SEC24B: variants seen among roughly 807,000 people sequenced by gnomAD.
SEC24B encodes the protein protein transport protein Sec24B.
A neutral mutation model predicts 142.8 loss-of-function variants in SEC24B; 45 were observed. The observed-to-expected ratio is 0.32, with a 90% CI of 0.25 to 0.40. The LOEUF (loss-of-function observed/expected upper bound fraction) is 0.40, where lower values mean the gene tolerates loss of function less well. Ranked by LOEUF, SEC24B falls within the 10% of genes least tolerant of loss-of-function variation. The pLI is 1.00. For synonymous variants in SEC24B, 574 were observed against 568.2 expected, an observed-to-expected ratio of 1.01 and a Z score of -0.15; for missense variants, 1,409 against 1,526.8, an observed-to-expected ratio of 0.92 and a Z score of 1.29.
At chr4:109,449,414 TAGA>T in intron 1 of SEC24B, 1 of 359,792 alleles carries the variant, frequency 2.8e-6, no homozygotes, top group Non-Finnish European at 5.5e-6. Context: ...TTTTTTTTTG[TAGA>T]GACGGGATTT....
chr4:109,486,876 A>G (rs1325042116), intron 4 of SEC24B, among the ~76,000 whole-genome samples: 1 of 152,174 alleles, frequency 6.6e-6, no homozygotes, highest in Non-Finnish European at 1.5e-5. Flanking sequence ...TACAACTTGA[A>G]AAGTGTAAGC....
chr4:109,489,292 C>G (rs1734730805), intron 4 of SEC24B, among the ~76,000 whole-genome samples: 2 of 150,958 alleles, frequency 1.3e-5, no homozygotes, highest in South Asian at 4.2e-4. Flanking sequence ...CAGCTTTGTT[C>G]TTCTGCGTGT....
intron 7 of SEC24B, among the ~76,000 whole-genome samples, chr4:109,509,409 C>T (rs756455907): frequency 1.2e-4 from 18 of 152,158 alleles, no homozygotes; most frequent in Non-Finnish European, 2.6e-4. Context: ...CACAGTGGCT[C>T]ACGCCTGTAA....
chr4:109,502,635 A>G (rs1561143895), intron 6 of SEC24B, among the ~76,000 whole-genome samples: 1 of 152,202 alleles, frequency 6.6e-6, no homozygotes, highest in African/African-American at 2.4e-5. Flanking sequence ...TTACTAAGAT[A>G]ATGAAGACAA....
chr4:109,437,177 A>AG (rs1192948821), intron 1 of SEC24B, among the ~76,000 whole-genome samples: 1 of 152,182 alleles, frequency 6.6e-6, no homozygotes, highest in Non-Finnish European at 1.5e-5. Flanking sequence ...ATTGAGTTGG[A>AG]GGACCCCCAG....
chr4:109,507,441 T>G (rs1736815602), intron 7 of SEC24B, among the ~76,000 whole-genome samples: 1 of 151,078 alleles, frequency 6.6e-6, no homozygotes, highest in African/African-American at 2.4e-5. Flanking sequence ...GCGTGTCTAA[T>G]TTTTGTATTT....
At chr4:109,518,075 C>A (rs1561167583) in intron 11 of SEC24B, among the ~76,000 whole-genome samples, 1 of 152,106 alleles carries the variant, frequency 6.6e-6, no homozygotes, top group Non-Finnish European at 1.5e-5. Context: ...TCAAGCAATT[C>A]TCTTGCCTCA....
intron 23 of SEC24B, among the ~76,000 whole-genome samples, chr4:109,538,841 G>T (rs1725849317): frequency 6.6e-6 from 1 of 152,006 alleles, no homozygotes; most frequent in Non-Finnish European, 1.5e-5. Context: ...CAGTGCAGGG[G>T]TGCTGCTATC....
intron 6 of SEC24B, among the ~76,000 whole-genome samples, chr4:109,500,736 C>T (rs909203118): frequency 2.6e-5 from 4 of 152,066 alleles, no homozygotes; most frequent in African/African-American, 7.2e-5. Context: ...TCACTGCAAC[C>T]TCCACCTCCC....
intron 6 of SEC24B, among the ~76,000 whole-genome samples, chr4:109,501,513 C>T (rs1578913634): frequency 6.6e-6 from 1 of 152,312 alleles, no homozygotes; most frequent in Non-Finnish European, 1.5e-5. Flanking sequence ...CTCTGTGTCC[C>T]AAGCTGGAAT....
rs1561046994 is a variant in SEC24B, at chr4:109,433,884, C to T, written c.15C>T (p.Ala5=). 4 of 1,342,764 alleles carry T rather than the reference C, an allele frequency of 3.0e-6. No individual in the cohort carries two copies. The highest frequency in any genetic ancestry group is 3.8e-6 in the Non-Finnish European group (4 of 1,043,136). 83.2% of individuals were successfully genotyped at this position (1,342,764 alleles called of 1,614,324 possible). ...CCAGCGCCGTCATGTCGGCCCCCGC[C>T]GGGTCCTCTCACCCGGCCGCCAGCG... MSAP[A]GSSHPAASAR... is the part of the protein sequence containing the mutation. Residue 5 remains alanine, a synonymous_variant, in exon 1 of 24, where the codon GCC becomes GCT. Coordinates refer to ENST00000265175, the MANE Select transcript of SEC24B (RefSeq NM_006323.5).
At chr4:109,455,270 A>G (rs1381699608) in intron 1 of SEC24B, among the ~76,000 whole-genome samples, 1 of 147,956 alleles carries the variant, frequency 6.8e-6, no homozygotes, top group Non-Finnish European at 1.5e-5. Flanking sequence ...TTTTTTTGGG[A>G]TGGAGTTTCA....
intron 3 of SEC24B, among the ~76,000 whole-genome samples, chr4:109,476,279 C>T (rs1733130348): frequency 6.6e-6 from 1 of 152,078 alleles, no homozygotes; most frequent in African/African-American, 2.4e-5. Flanking sequence ...GACCATTGTG[C>T]CTGGCCAATC....
chr4:109,535,548 T>C (rs1725433581), intron 22 of SEC24B, among the ~76,000 whole-genome samples: 2 of 148,296 alleles, frequency 1.3e-5, no homozygotes, highest in South Asian at 4.3e-4. Flanking sequence ...AGAGCAAGAC[T>C]CCGTCTAAAA....
chr4:109,501,076 A>G (rs943163100), intron 6 of SEC24B, among the ~76,000 whole-genome samples: 5 of 152,196 alleles, frequency 3.3e-5, no homozygotes, highest in Non-Finnish European at 7.3e-5. Flanking sequence ...ACTCACCCAG[A>G]GCAACTTTGA....
At chr4:109,495,922 A>G (rs1393463836) in intron 6 of SEC24B, among the ~76,000 whole-genome samples, 1 of 152,058 alleles carries the variant, frequency 6.6e-6, no homozygotes, top group African/African-American at 2.4e-5. Flanking sequence ...TACCCTCACT[A>G]TCTGCCTAAG....
At position 109,539,793 on chromosome 4, in the gene SEC24B, C is replaced by A; in HGVS notation, c.*118C>A. 1 of 659,012 alleles carries A rather than the reference C, an allele frequency of 1.5e-6. No homozygotes were observed. The highest frequency in any genetic ancestry group is 1.9e-5 in the South Asian group (1 of 53,302). 40.8% of individuals were successfully genotyped at this position (659,012 alleles called of 1,614,324 possible). On this transcript the variant is annotated 3_prime_UTR_variant, in exon 24 of 24. Coordinates refer to ENST00000265175, the MANE Select transcript of SEC24B (RefSeq NM_006323.5). ...TGTTAATACAAGATGCAACGCACAG[C>A]ACTCTGTCTGAGGCTTTGGTAAAAA...
intron 3 of SEC24B, 120 bp from the exon 4 acceptor site, chr4:109,481,557 G>A (rs1561114382): frequency 1.5e-6 from 1 of 660,794 alleles, no homozygotes; most frequent in Non-Finnish European, 2.7e-6. Flanking sequence ...ATATTAATAT[G>A]CATGTTGGGA....
At chr4:109,434,758 T>C (rs1728240685) in intron 1 of SEC24B, among the ~76,000 whole-genome samples, 1 of 152,152 alleles carries the variant, frequency 6.6e-6, no homozygotes, top group Non-Finnish European at 1.5e-5. Flanking sequence ...TAGCTCCACT[T>C]TCAGAGATGA....
Sources: gnomAD v4.1 joint callset for allele counts (sites outside exome capture counted in the v4.1 genomes callset) on GRCh38, gnomAD v4.1.1 for gene constraint, MANE v1.5 for transcripts, NCBI Gene and HGNC (gene_info 2026-07-23, HGNC 2026-07-21) for gene names.